PPP1R16B: variants seen among roughly 807,000 people sequenced by gnomAD.
PPP1R16B encodes the protein protein phosphatase 1 regulatory subunit 16B, also known as protein phosphatase 1 regulatory inhibitor subunit 16B.
Under a neutral mutation model 61.7 loss-of-function variants are expected in PPP1R16B, and 14 were observed. The observed-to-expected ratio is 0.23, with a 90% CI of 0.15 to 0.35. PPP1R16B has a LOEUF of 0.35. Ranked by LOEUF, PPP1R16B falls within the 10% of genes least tolerant of loss-of-function variation. PPP1R16B has a pLI of 1.00. For synonymous variants in PPP1R16B, 266 were observed against 305.3 expected, an observed-to-expected ratio of 0.87 and a Z score of 1.34; for missense variants, 547 against 752.5, an observed-to-expected ratio of 0.73 and a Z score of 3.19.
intron 3 of PPP1R16B, 137 bp downstream of exon 3, chr20:38,889,802 C>CCTTTTGGA: frequency 1.1e-6 from 1 of 882,992 alleles, no homozygotes; most frequent in Non-Finnish European, 1.8e-6. Flanking sequence ...GCTGGCCCAT[C>CCTTTTGGA]TGAAAGGCTC....
chr20:38,900,025 C>T (rs1405156990), intron 4 of PPP1R16B, among the ~76,000 whole-genome samples: 1 of 152,142 alleles, frequency 6.6e-6, no homozygotes, highest in Non-Finnish European at 1.5e-5. Context: ...AACTCCTGAC[C>T]TCAGGTGATC....
chr20:38,848,557 A>T (rs1340634890), intron 2 of PPP1R16B, among the ~76,000 whole-genome samples: 1 of 152,016 alleles, frequency 6.6e-6, no homozygotes, highest in East Asian at 1.9e-4. Context: ...CTTTTTTTTC[A>T]AAATGTTCCT....
At chr20:38,899,298 C>T (rs943171134) in intron 4 of PPP1R16B, among the ~76,000 whole-genome samples, 2 of 152,142 alleles carry the variant, frequency 1.3e-5, no homozygotes, top group Non-Finnish European at 2.9e-5. Flanking sequence ...CTGCTAGGAG[C>T]ATCAGATGGC....
intron 1 of PPP1R16B, among the ~76,000 whole-genome samples, chr20:38,825,060 T>A (rs747813053): frequency 2.6e-5 from 4 of 152,224 alleles, no homozygotes; most frequent in African/African-American, 9.6e-5. Context: ...GGGGAGGAGA[T>A]AGCTTGTTAG....
At chr20:38,828,541 C>G (rs6101326) in intron 1 of PPP1R16B, among the ~76,000 whole-genome samples, 110,658 of 152,110 alleles carry the variant, frequency 0.73, 40,442 homozygotes, top group African/African-American at 0.79. Context: ...AGACCCCTTA[C>G]TTAAAGGACC....
intron 1 of PPP1R16B, among the ~76,000 whole-genome samples, chr20:38,809,783 T>G (rs1421511966): frequency 6.6e-6 from 1 of 151,894 alleles, no homozygotes; most frequent in Non-Finnish European, 1.5e-5. Flanking sequence ...AGTTCGAGAC[T>G]AGCCTGGGCA....
At chr20:38,875,845 G>A (rs1194504618) in intron 2 of PPP1R16B, among the ~76,000 whole-genome samples, 1 of 151,872 alleles carries the variant, frequency 6.6e-6, no homozygotes, top group Non-Finnish European at 1.5e-5. Context: ...AACTGGGCCC[G>A]ATCTGTCTGT....
chr20:38,826,540 G>A (rs1394771583), intron 1 of PPP1R16B, among the ~76,000 whole-genome samples: 1 of 152,220 alleles, frequency 6.6e-6, no homozygotes, highest in Non-Finnish European at 1.5e-5. Context: ...TGTTTGAGCT[G>A]TGGCCTCCTT....
intron 2 of PPP1R16B, among the ~76,000 whole-genome samples, chr20:38,857,269 C>T: frequency 6.6e-6 from 1 of 152,200 alleles, no homozygotes; most frequent in Non-Finnish European, 1.5e-5. Context: ...GACAGCCATC[C>T]TTTCCAGCAT....
At chr20:38,857,704 T>G (rs1484866156) in intron 2 of PPP1R16B, among the ~76,000 whole-genome samples, 1 of 152,112 alleles carries the variant, frequency 6.6e-6, no homozygotes, top group Non-Finnish European at 1.5e-5. Context: ...TTTTGGCAAG[T>G]ATATTCCAGT....
At chr20:38,903,563 AT>A (rs2085414053) in intron 6 of PPP1R16B, among the ~76,000 whole-genome samples, 1 of 147,022 alleles carries the variant, frequency 6.8e-6, no homozygotes, top group East Asian at 2.0e-4. Flanking sequence ...CCATCCATCC[AT>A]CCGTCCGTCC....
chr20:38,918,554 A>G lies in PPP1R16B; in HGVS notation c.1592A>G (p.Asn531Ser), dbSNP rs779137976. 98 of 1,567,708 alleles carry G rather than the reference A, an allele frequency of 6.3e-5. No homozygotes were observed. The highest frequency in any genetic ancestry group is 7.7e-5 in the Non-Finnish European group (89 of 1,155,714). The change falls in exon 11 of 11, where the codon AAT becomes AGT. Residue 531 changes from asparagine (N) to serine (S), a missense_variant. Physicochemically the swap from Asn to Ser is conservative, Grantham distance 46 (BLOSUM62 1). Coordinates refer to ENST00000299824, the MANE Select transcript of PPP1R16B (RefSeq NM_015568.4). This position sits in a 1 kb window ranked among gnomAD's most constrained non-coding sequence, Gnocchi z 5.3. ...IGGRTSPYSS[N>S]GTSVYYTVTS... ...GGCAGAACTTCACCGTACAGCAGCA[A>G]TGGGACCTCGGTATATTACACGGTC...
intron 1 of PPP1R16B, among the ~76,000 whole-genome samples, chr20:38,833,272 A>G (rs543389752): frequency 6.6e-6 from 1 of 152,336 alleles, no homozygotes; most frequent in South Asian, 2.1e-4. Flanking sequence ...AGAGATGGGG[A>G]ACAGATTAGT....
At chr20:38,849,300 G>T (rs910807856) in intron 2 of PPP1R16B, among the ~76,000 whole-genome samples, 39 of 152,298 alleles carry the variant, frequency 2.6e-4, no homozygotes, top group African/African-American at 9.4e-4. Context: ...TGATAAGGTT[G>T]TCTGATCATT....
At chr20:38,823,965 A>C (rs1392749137) in intron 1 of PPP1R16B, among the ~76,000 whole-genome samples, 3 of 152,184 alleles carry the variant, frequency 2.0e-5, no homozygotes, top group Non-Finnish European at 4.4e-5. Context: ...AAAATACTTA[A>C]CTAATGGCAT....
At position 38,813,751 on chromosome 20, in the gene PPP1R16B, A is replaced by ACAT. The variant is rs1157133606; in HGVS notation, c.-102+7975_-102+7977dup. 2.1e-3 allele frequency among the ~76,000 whole-genome samples: 306 copies of ACAT among 145,302 alleles called. 2 individuals are homozygous for ACAT. The highest frequency in any genetic ancestry group is 3.7e-3 in the African/African-American group (144 of 39,000). On this transcript the variant is annotated intron_variant, in intron 1 of 10. Transcript: ENST00000299824. ...GTCCTCCTAACAACTCTAAGGGGTG[A>ACAT]CATCATCATCATCATCATTATTATT...
chr20:38,869,888 T>C (rs1004295663), intron 2 of PPP1R16B, among the ~76,000 whole-genome samples: 13 of 151,814 alleles, frequency 8.6e-5, no homozygotes, highest in African/African-American at 3.1e-4. Flanking sequence ...TGGACCTGTC[T>C]GCCTGCCTTC....
At chr20:38,877,470 G>A (rs569220735) in intron 2 of PPP1R16B, among the ~76,000 whole-genome samples, 7 of 151,962 alleles carry the variant, frequency 4.6e-5, no homozygotes, top group East Asian at 1.9e-4. Context: ...CACCACGCCC[G>A]GCTAATTTTT....
At chr20:38,881,301 A>G (rs1183017565) in intron 2 of PPP1R16B, among the ~76,000 whole-genome samples, 4 of 152,200 alleles carry the variant, frequency 2.6e-5, no homozygotes, top group Non-Finnish European at 4.4e-5. Flanking sequence ...AAAGGTTTCA[A>G]TTGCTCAGTG....
Sources: allele counts gnomAD v4.1 joint callset (sites outside exome capture counted in the v4.1 genomes callset), GRCh38; gene constraint gnomAD v4.1.1; non-coding constraint Gnocchi (gnomAD v3.1); transcripts MANE v1.5; gene names NCBI Gene and HGNC (gene_info 2026-07-23, HGNC 2026-07-21).